Variants in MACC1 observed in about 807,000 individuals in gnomAD.
MACC1 encodes the protein metastasis-associated in colon cancer protein 1.
Under a neutral mutation model 70.7 loss-of-function variants are expected in MACC1, and 79 were observed. That is an observed-to-expected ratio of 1.12 (90% confidence interval 0.93 to 1.35). The LOEUF (loss-of-function observed/expected upper bound fraction) is 1.35. Ranked by LOEUF, MACC1 falls within the 40% of genes most tolerant of loss-of-function variation. The probability of loss-of-function intolerance (pLI) is 0.00; values close to 1 mark genes in which losing one functional copy is unlikely to be tolerated. For missense variants in MACC1, 1,106 were observed against 978.1 expected (o/e 1.13, Z -1.74); for synonymous variants, 361 against 347.2 (o/e 1.04, Z -0.44).
chr7:20,141,956 C>CAT lies in MACC1; in HGVS notation c.2347-799_2347-798insAT, dbSNP rs1296159778. On this transcript the variant is annotated intron_variant, in intron 6 of 6. Coordinates refer to ENST00000400331, the MANE Select transcript of MACC1 (RefSeq NM_182762.4). Reference sequence around the variant, plus strand: ...ACACACACACGCACACACACACACACGTCACACACACAGCACCTTAAAATG... The same window carrying CAT: ...ACACACACACGCACACACACACACACATGTCACACACACAGCACCTTAAAATG... 7 of 151,714 alleles carry CAT rather than the reference C, an allele frequency of 4.6e-5. No homozygotes were observed. In the South Asian group the frequency reaches 6.3e-4, roughly 14 times the overall value. The allele number at this position is 151,714 out of a possible 1,614,324, so 9.4% of individuals were successfully genotyped here.
At chr7:20,193,816 A>C (rs2128107431) in intron 1 of MACC1, among the ~76,000 whole-genome samples, 1 of 150,236 alleles carries the variant, frequency 6.7e-6, no homozygotes, top group Non-Finnish European at 1.5e-5. Context: ...ATGGCAAAGT[A>C]AAACCCTTAG....
At chr7:20,147,231 T>G (rs1426474415) in intron 6 of MACC1, among the ~76,000 whole-genome samples, 8 of 152,180 alleles carry the variant, frequency 5.3e-5, no homozygotes, top group Admixed American at 3.3e-4. Flanking sequence ...ATAAGACTCA[T>G]TAGAAAATGC....
At chr7:20,147,796 G>C (rs1478636253) in intron 6 of MACC1, among the ~76,000 whole-genome samples, 1 of 152,186 alleles carries the variant, frequency 6.6e-6, no homozygotes, top group Admixed American at 6.5e-5. Flanking sequence ...GCCAGAGGAA[G>C]ACAGAGGACC....
intron 1 of MACC1, among the ~76,000 whole-genome samples, chr7:20,215,951 C>G (rs1004411508): frequency 6.6e-6 from 1 of 152,098 alleles, no homozygotes; most frequent in Non-Finnish European, 1.5e-5. Flanking sequence ...TGAGTCATAA[C>G]TAAAGCTTTT....
chr7:20,160,908 A>C (rs893739929), intron 4 of MACC1, among the ~76,000 whole-genome samples: 1 of 152,124 alleles, frequency 6.6e-6, no homozygotes, highest in African/African-American at 2.4e-5. Flanking sequence ...AATTTAGACC[A>C]CCATTGGTTT....
intron 1 of MACC1, among the ~76,000 whole-genome samples, chr7:20,203,438 T>A (rs1782861390): frequency 6.6e-6 from 1 of 152,206 alleles, no homozygotes. Context: ...TGTGCGTGCA[T>A]ACATGCACTT....
intron 1 of MACC1, among the ~76,000 whole-genome samples, chr7:20,179,736 G>T (rs1224587477): frequency 6.6e-6 from 1 of 152,110 alleles, no homozygotes; most frequent in Non-Finnish European, 1.5e-5. Flanking sequence ...GGGGTTAAGG[G>T]TAGCTGACAT....
chr7:20,206,046 C>T (rs544424801), intron 1 of MACC1, among the ~76,000 whole-genome samples: 13 of 151,796 alleles, frequency 8.6e-5, no homozygotes, highest in Non-Finnish European at 1.6e-4. Context: ...TATTAGAGCC[C>T]TCTTGAACTC....
intron 1 of MACC1, among the ~76,000 whole-genome samples, chr7:20,201,453 G>A (rs1049400867): frequency 4.6e-5 from 7 of 152,168 alleles, no homozygotes; most frequent in East Asian, 3.8e-4. Context: ...GCATAGCAGT[G>A]GGGTAGGGGC....
At chr7:20,202,316 T>G (rs1419810317) in intron 1 of MACC1, among the ~76,000 whole-genome samples, 2 of 152,350 alleles carry the variant, frequency 1.3e-5, no homozygotes, top group East Asian at 3.8e-4. Flanking sequence ...GATACAAGAT[T>G]GTGTTTTCCA....
At chr7:20,179,275 G>A (rs1419068370) in intron 1 of MACC1, among the ~76,000 whole-genome samples, 1 of 151,778 alleles carries the variant, frequency 6.6e-6, no homozygotes, top group Non-Finnish European at 1.5e-5. Flanking sequence ...AAATCTGACT[G>A]TTTTCAGATT....
chr7:20,166,984 A>G (rs1782230132), intron 2 of MACC1, among the ~76,000 whole-genome samples: 1 of 152,236 alleles, frequency 6.6e-6, no homozygotes, highest in African/African-American at 2.4e-5. Context: ...TAGATCTGGA[A>G]GAAAAGGTAT....
At chr7:20,166,226 C>T (rs1480393226) in intron 2 of MACC1, among the ~76,000 whole-genome samples, 1 of 152,158 alleles carries the variant, frequency 6.6e-6, no homozygotes, top group African/African-American at 2.4e-5. Context: ...AAAAACATGT[C>T]CATGTAGGCT....
intron 1 of MACC1, among the ~76,000 whole-genome samples, chr7:20,195,935 T>C (rs1255436414): frequency 6.6e-6 from 1 of 152,186 alleles, no homozygotes; most frequent in Non-Finnish European, 1.5e-5. Context: ...GAGTCCATTC[T>C]GTCAGTCTTG....
At position 20,137,979 on chromosome 7, in the gene MACC1, C is replaced by T. The variant is rs1349743917; in HGVS notation, c.*2967G>A. On this transcript the variant is annotated 3_prime_UTR_variant, in exon 7 of 7. Coordinates refer to ENST00000400331, the MANE Select transcript of MACC1 (RefSeq NM_182762.4). Reference sequence around the variant, plus strand: ...ACCAGTCTGGCCAAAATGGTAAAACCTTGTCTCCACTAAAAATACAAAAAT... The same window carrying T: ...ACCAGTCTGGCCAAAATGGTAAAACTTTGTCTCCACTAAAAATACAAAAAT... 1 of 151,710 alleles carries T rather than the reference C, an allele frequency of 6.6e-6. No individual in the cohort carries two copies. Among genetic ancestry groups the T allele is most frequent in the Non-Finnish European group, 1.5e-5 (1 of 67,938 alleles). The allele number at this position is 151,710 out of a possible 1,614,324, so 9.4% of individuals were successfully genotyped here. A position where few individuals can be genotyped will look rare whatever the true frequency, so the allele number is the denominator to read the frequency against.
intron 6 of MACC1, among the ~76,000 whole-genome samples, chr7:20,152,298 T>G (rs1470916534): frequency 3.3e-5 from 5 of 152,098 alleles, no homozygotes; most frequent in African/African-American, 9.7e-5. Context: ...CCTGCCCCAG[T>G]GCACTTCCCT....
intron 1 of MACC1, among the ~76,000 whole-genome samples, chr7:20,177,346 T>C (rs1256512706): frequency 6.6e-6 from 1 of 152,114 alleles, no homozygotes; most frequent in East Asian, 1.9e-4. Flanking sequence ...CTTGTAACTA[T>C]TTTATACCTG....
At position 20,140,332 on chromosome 7, in the gene MACC1, T is replaced by G. The variant is rs1781778045; in HGVS notation, c.*614A>C. The stretch of plus-strand genomic sequence containing the variant: ...GAAAACCTACTTTGTACTGGCTATG[T>G]AGCCTCAGACGTTCTCTCCACTTCT... On this transcript the variant is annotated 3_prime_UTR_variant, in exon 7 of 7. Coordinates refer to ENST00000400331, the MANE Select transcript of MACC1 (RefSeq NM_182762.4). 1 of 152,236 alleles carries G rather than the reference T, an allele frequency of 6.6e-6. No homozygotes were observed. The highest frequency in any genetic ancestry group is 2.4e-5 in the African/African-American group (1 of 41,456). The allele number at this position is 152,236 out of a possible 1,614,324, so 9.4% of individuals were successfully genotyped here.
chr7:20,149,890 G>A (rs752939497), intron 6 of MACC1, among the ~76,000 whole-genome samples: 5 of 152,088 alleles, frequency 3.3e-5, no homozygotes, highest in African/African-American at 4.8e-5. Flanking sequence ...CAGTGGTTAG[G>A]ACTTTATATA....
Sources: gnomAD v4.1 joint callset for allele counts (sites outside exome capture counted in the v4.1 genomes callset) on GRCh38, gnomAD v4.1.1 for gene constraint, MANE v1.5 for transcripts, NCBI Gene and HGNC (gene_info 2026-07-23, HGNC 2026-07-21) for gene names.